PAFAH1B2: variants seen among roughly 807,000 people sequenced by gnomAD.
The protein encoded by PAFAH1B2 is platelet activating factor acetylhydrolase 1b catalytic subunit 2.
Under a neutral mutation model 28.0 loss-of-function variants are expected in PAFAH1B2, and 8 were observed. The ratio of observed to expected loss-of-function variants is 0.29; its 90% confidence interval spans 0.17 to 0.52. PAFAH1B2 has a LOEUF of 0.52. Among genes scored for constraint, PAFAH1B2 ranks in the 20% least tolerant of loss-of-function variants. The probability of loss-of-function intolerance (pLI) is 0.97; values close to 1 mark genes in which losing one functional copy is unlikely to be tolerated. For synonymous variants in PAFAH1B2, 104 were observed against 103.2 expected (o/e 1.01, Z -0.05); for missense variants, 190 against 282.6 (o/e 0.67, Z 2.35).
At chr11:117,161,575 C>G (rs548771695) in intron 4 of PAFAH1B2, among the ~76,000 whole-genome samples, 2 of 147,220 alleles carry the variant, frequency 1.4e-5, no homozygotes, top group East Asian at 4.0e-4. Flanking sequence ...GTGGTGTGAT[C>G]TCAGCTCACT....
At chr11:117,162,961 A>C (rs1381611463) in intron 4 of PAFAH1B2, among the ~76,000 whole-genome samples, 1 of 152,016 alleles carries the variant, frequency 6.6e-6, no homozygotes, top group Non-Finnish European at 1.5e-5. Flanking sequence ...CAAAGCATTG[A>C]GATTATAGAT....
At chr11:117,175,929 G>A, downstream of PAFAH1B2, 1 of 1,535,594 alleles carries the variant, frequency 6.5e-7, no homozygotes. Flanking sequence ...AAGATGAGCA[G>A]GATTACCATG....
downstream of PAFAH1B2, chr11:117,171,631 G>C (rs2134228826): frequency 7.6e-7 from 1 of 1,321,374 alleles, no homozygotes; most frequent in South Asian, 1.3e-5. Flanking sequence ...GGGTAAAGCA[G>C]CCGCCTCCAA....
At chr11:117,148,677 A>G (rs896475521) in intron 1 of PAFAH1B2, among the ~76,000 whole-genome samples, 2 of 152,154 alleles carry the variant, frequency 1.3e-5, no homozygotes, top group Admixed American at 6.6e-5. Flanking sequence ...AGTCCCAGCT[A>G]CTTGGGAAGC....
rs986770200 is a variant in PAFAH1B2 at position 117,168,595 on chromosome 11, T to G, written c.*896T>G. On this transcript the variant is annotated 3_prime_UTR_variant, in exon 6 of 6. Coordinates refer to ENST00000527958, the MANE Select transcript of PAFAH1B2 (RefSeq NM_002572.4). ...CTATAAAACTCATTCTTGTGTGGTG[T>G]TCTGTGCTATAGATTCTGTGTATTG... 10 of 1,063,262 alleles carry G rather than the reference T, an allele frequency of 9.4e-6. No individual in the cohort carries two copies. The highest frequency in any genetic ancestry group is 9.1e-5 in the South Asian group (2 of 21,936). The allele number at this position is 1,063,262 out of a possible 1,614,324, so 65.9% of individuals were successfully genotyped here. A position where few individuals can be genotyped will look rare whatever the true frequency, so the allele number is the denominator to read the frequency against.
At chr11:117,149,025 A>G (rs1464472714) in intron 1 of PAFAH1B2, among the ~76,000 whole-genome samples, 2 of 136,298 alleles carry the variant, frequency 1.5e-5, no homozygotes, top group African/African-American at 2.8e-5. Context: ...GCACCACAAC[A>G]CCTGCCAATT....
At position 117,144,354 on chromosome 11, in the gene PAFAH1B2, G is replaced by A. The variant is rs1183025707; in HGVS notation, c.-72G>A. 2 of 421,870 alleles carry A rather than the reference G, an allele frequency of 4.7e-6. No homozygotes were observed. Among genetic ancestry groups the A allele is most frequent in the South Asian group, 1.6e-5 (1 of 61,572 alleles). 26.1% of individuals were successfully genotyped at this position (421,870 alleles called of 1,614,324 possible). On this transcript the variant is annotated 5_prime_UTR_variant, in exon 1 of 6. Transcript: ENST00000527958. ...CGGAGCGGGACCGACGGGACCGAGCGAGCGACCGACGCGCCACCCGCCGAC... is the reference window on the plus strand; with the variant it reads ...CGGAGCGGGACCGACGGGACCGAGCAAGCGACCGACGCGCCACCCGCCGAC...
chr11:117,149,550 C>T (rs1956099862), intron 1 of PAFAH1B2, among the ~76,000 whole-genome samples: 2 of 149,406 alleles, frequency 1.3e-5, no homozygotes, highest in Non-Finnish European at 3.0e-5. Context: ...CCTCAGCCTC[C>T]CAAGTAGCTG....
chr11:117,172,887 A>G (rs530065331), downstream of PAFAH1B2, among the ~76,000 whole-genome samples: 46 of 152,292 alleles, frequency 3.0e-4, no homozygotes, highest in Admixed American at 7.8e-4. Flanking sequence ...TGTTTTTAGT[A>G]GAGACAGGGT....
In PAFAH1B2 at chr11:117,168,768, T is replaced by C; in HGVS notation, c.*1069T>C. The C allele has an allele frequency of 9.9e-7, 1 of 1,012,046 alleles. No individual in the cohort carries two copies. Among genetic ancestry groups the C allele is most frequent in the Non-Finnish European group, 1.2e-6 (1 of 834,940 alleles). 62.7% of individuals were successfully genotyped at this position (1,012,046 alleles called of 1,614,324 possible). A position where few individuals can be genotyped will look rare whatever the true frequency, so the allele number is the denominator to read the frequency against. On this transcript the variant is annotated 3_prime_UTR_variant, in exon 6 of 6. Transcript: ENST00000527958. ...TTATAATATCTTAAGGTGTATATTT[T>C]ATTTTTTTTATTGGCTTAGTTGTTT...
In PAFAH1B2 at chr11:117,169,632, A is replaced by G; in HGVS notation, c.*1933A>G. On this transcript the variant is annotated 3_prime_UTR_variant, in exon 6 of 6. Transcript: ENST00000527958. ...AAATACATACTTTTTTGAATGTATC[A>G]TGTCTTCATTAACAACAGAAAATCC... The G allele has an allele frequency of 1.9e-6, 2 of 1,050,702 alleles. No homozygotes were observed. The highest frequency in any genetic ancestry group is 2.3e-6 in the Non-Finnish European group (2 of 869,066). The allele number at this position is 1,050,702 out of a possible 1,614,324, so 65.1% of individuals were successfully genotyped here.
intron 2 of PAFAH1B2, 149 bp downstream of exon 2, chr11:117,152,677 C>T: frequency 1.6e-6 from 1 of 636,816 alleles, no homozygotes; most frequent in African/African-American, 1.8e-5. Flanking sequence ...TTCAGCCTCC[C>T]ATATAGCTGG....
chr11:117,164,672 C>G (rs886404907), intron 5 of PAFAH1B2, among the ~76,000 whole-genome samples: 5 of 152,116 alleles, frequency 3.3e-5, no homozygotes, highest in Admixed American at 3.3e-4. Context: ...AAAGGTGCTA[C>G]CCTTTTGTAG....
Position 117,167,836 on chromosome 11 carries a change from G to T in PAFAH1B2, c.*137G>T. 4 of 1,277,294 alleles carry T rather than the reference G, an allele frequency of 3.1e-6. No individual in the cohort carries two copies. The highest frequency in any genetic ancestry group is 4.0e-6 in the Non-Finnish European group (4 of 1,005,428). The allele number at this position is 1,277,294 out of a possible 1,614,324, so 79.1% of individuals were successfully genotyped here. Reference sequence around the variant, plus strand: ...ATGTTCATATCTAGTGTTTGAAGGGGAGGAGGGATTTAAACTGGTCCTGTA... The same window carrying T: ...ATGTTCATATCTAGTGTTTGAAGGGTAGGAGGGATTTAAACTGGTCCTGTA... On this transcript the variant is annotated 3_prime_UTR_variant, in exon 6 of 6. Transcript: ENST00000527958.
At chr11:117,175,550 C>G (rs916833338), downstream of PAFAH1B2, 55 of 1,108,094 alleles carry the variant, frequency 5.0e-5, no homozygotes, top group African/African-American at 8.8e-4. Flanking sequence ...GGATGGATTT[C>G]TCTCCAGATA....
chr11:117,156,673 A>G (rs905809625), intron 2 of PAFAH1B2, among the ~76,000 whole-genome samples: 1 of 152,168 alleles, frequency 6.6e-6, no homozygotes, highest in African/African-American at 2.4e-5. Context: ...AACCTTTAGC[A>G]TAGCAGTCTT....
chr11:117,162,844 G>GTGA (rs1956406805), intron 4 of PAFAH1B2, among the ~76,000 whole-genome samples: 1 of 151,856 alleles, frequency 6.6e-6, no homozygotes, highest in African/African-American at 2.4e-5. Flanking sequence ...TATTTATACC[G>GTGA]TGACAGGTTC....
chr11:117,158,190 A>C (rs1197717669), intron 2 of PAFAH1B2, among the ~76,000 whole-genome samples: 1 of 152,084 alleles, frequency 6.6e-6, no homozygotes, highest in East Asian at 1.9e-4. Context: ...GATGGGTAAA[A>C]TTTGTTTTCT....
At chr11:117,160,702 G>A (rs1459997006) in intron 3 of PAFAH1B2, among the ~76,000 whole-genome samples, 1 of 151,894 alleles carries the variant, frequency 6.6e-6, no homozygotes, top group East Asian at 1.9e-4. Flanking sequence ...AATGATCCAC[G>A]TGCCTTGGCC....
Sources: allele counts gnomAD v4.1 joint callset (sites outside exome capture counted in the v4.1 genomes callset), GRCh38; gene constraint gnomAD v4.1.1; transcripts MANE v1.5; gene names NCBI Gene and HGNC (gene_info 2026-07-23, HGNC 2026-07-21).